The following XRCC4 variants were observed in gnomAD, a reference collection of about 807,000 sequenced individuals.
The protein encoded by XRCC4 is X-ray repair cross complementing 4, also known as DNA repair protein XRCC4.
Under a neutral mutation model 39.1 loss-of-function variants are expected in XRCC4, and 28 were observed. The observed-to-expected ratio is 0.72, with a 90% CI of 0.53 to 0.98. XRCC4 has a LOEUF of 0.98. Ranked by LOEUF, XRCC4 falls within the 50% of genes least tolerant of loss-of-function variation. XRCC4 has a pLI of 0.00. For missense variants in XRCC4, 350 were observed against 376.4 expected, an observed-to-expected ratio of 0.93 and a Z score of 0.58; for synonymous variants, 123 against 126.4, an observed-to-expected ratio of 0.97 and a Z score of 0.18.
intron 1 of XRCC4, 153 bp downstream of exon 1, chr5:83,077,768 A>C (rs765407969): frequency 1.0e-4 from 17 of 166,036 alleles, no homozygotes; most frequent in Non-Finnish European, 2.0e-4. Flanking sequence ...AGCTCCCGCG[A>C]CTTCCTCTTG....
At chr5:83,286,650 T>C (rs951207280) in intron 7 of XRCC4, among the ~76,000 whole-genome samples, 5 of 152,110 alleles carry the variant, frequency 3.3e-5, no homozygotes, top group African/African-American at 1.2e-4. Context: ...GAAAGTCAAC[T>C]GATTGAATAT....
chr5:83,104,934 A>T lies in XRCC4; in HGVS notation c.15A>T (p.Ile5=). Residue 5 remains isoleucine (I), a synonymous_variant, in exon 2 of 8, where the codon ATA becomes ATT. Coordinates refer to ENST00000396027, the MANE Select transcript of XRCC4 (RefSeq NM_003401.5). ...GGTATTAAGAAATGGAGAGAAAAAT[A>T]AGCAGAATCCACCTTGTTTCTGAAC... The part of the protein sequence containing the change: MERK[I]SRIHLVSEPS... 1 of 1,613,216 alleles carries T rather than the reference A, an allele frequency of 6.2e-7. No individual in the cohort carries two copies. Among genetic ancestry groups the T allele is most frequent in the Non-Finnish European group, 8.5e-7 (1 of 1,179,432 alleles).
At chr5:83,236,251 T>C (rs2112831897) in intron 6 of XRCC4, among the ~76,000 whole-genome samples, 1 of 152,180 alleles carries the variant, frequency 6.6e-6, no homozygotes, top group East Asian at 1.9e-4. Context: ...AAGACTATCA[T>C]AGCCAAAGGA....
rs1363891064 is a variant in XRCC4 at position 83,093,585 on chromosome 5, A to G, written c.-10-11325A>G. ...CACAAAGCACATCTTAGGAAGTTGAAGAAGACTGAAATCATATCACATATC... is the reference window on the plus strand; with the variant it reads ...CACAAAGCACATCTTAGGAAGTTGAGGAAGACTGAAATCATATCACATATC... On this transcript the variant is annotated intron_variant, in intron 1 of 7. Transcript: ENST00000396027. Among the ~76,000 whole-genome samples the G allele has an allele frequency of 3.3e-5, 5 of 152,210 alleles. No individual in the cohort carries two copies. In the East Asian group the frequency reaches 9.6e-4, roughly 29 times the overall value.
intron 6 of XRCC4, among the ~76,000 whole-genome samples, chr5:83,228,678 A>T (rs1752380434): frequency 6.6e-6 from 1 of 152,076 alleles, no homozygotes; most frequent in African/African-American, 2.4e-5. Context: ...TACATGCAAC[A>T]TGTAAACCTT....
At chr5:83,297,480 A>G (rs1282206726) in intron 7 of XRCC4, among the ~76,000 whole-genome samples, 1 of 151,948 alleles carries the variant, frequency 6.6e-6, no homozygotes, top group Non-Finnish European at 1.5e-5. Context: ...GCTTAGGAAC[A>G]TTTTCTCTTG....
chr5:83,214,953 TC>T (rs1294025975), intron 6 of XRCC4, among the ~76,000 whole-genome samples: 1 of 151,836 alleles, frequency 6.6e-6, no homozygotes, highest in East Asian at 1.9e-4. Flanking sequence ...AATTCAAGAC[TC>T]CTACACTGAG....
chr5:83,320,022 C>G (rs942962017), intron 7 of XRCC4, among the ~76,000 whole-genome samples: 1 of 150,864 alleles, frequency 6.6e-6, no homozygotes, highest in African/African-American at 2.4e-5. Flanking sequence ...GAATACTATG[C>G]AGCCATAAAT....
At chr5:83,173,918 GTCTT>G (rs1217222392) in intron 3 of XRCC4, among the ~76,000 whole-genome samples, 1 of 152,134 alleles carries the variant, frequency 6.6e-6, no homozygotes, top group Admixed American at 6.6e-5. Flanking sequence ...TTTATACTCA[GTCTT>G]TCTGTGATTT....
chr5:83,204,682 A>G, intron 5 of XRCC4, 133 bp from the exon 6 acceptor site: 2 of 566,230 alleles, frequency 3.5e-6, no homozygotes, highest in Non-Finnish European at 6.0e-6. Flanking sequence ...CATCTAAATC[A>G]TATATATTTT....
the XRCC4 span, among the ~76,000 whole-genome samples, chr5:83,371,158 C>G: frequency 5.3e-5 from 8 of 152,308 alleles, no homozygotes; most frequent in African/African-American, 1.9e-4. Flanking sequence ...TCCCTTCTCA[C>G]TAAGCTCCCT....
At chr5:83,143,712 GT>G (rs1305711416) in intron 3 of XRCC4, among the ~76,000 whole-genome samples, 6 of 151,662 alleles carry the variant, frequency 4.0e-5, no homozygotes, top group South Asian at 2.1e-4. Context: ...TAGATTGAAG[GT>G]TTTTTTCTTT....
chr5:83,165,256 T>C, intron 3 of XRCC4, among the ~76,000 whole-genome samples: 1 of 152,222 alleles, frequency 6.6e-6, no homozygotes, highest in East Asian at 1.9e-4. Flanking sequence ...TAAGAAGTTT[T>C]AAAAAAATTC....
At chr5:83,208,618 A>G (rs1210699448) in intron 6 of XRCC4, among the ~76,000 whole-genome samples, 1 of 151,994 alleles carries the variant, frequency 6.6e-6, no homozygotes, top group Non-Finnish European at 1.5e-5. Flanking sequence ...AACTAATGAT[A>G]ATGTAGATCA....
intron 3 of XRCC4, among the ~76,000 whole-genome samples, chr5:83,172,076 A>G (rs938643094): frequency 2.0e-5 from 3 of 152,200 alleles, no homozygotes; most frequent in African/African-American, 7.2e-5. Flanking sequence ...AGGACAATAC[A>G]TAGTAGTACT....
chr5:83,358,646 T>C (rs1757216116), downstream of XRCC4, among the ~76,000 whole-genome samples: 1 of 152,176 alleles, frequency 6.6e-6, no homozygotes, highest in Non-Finnish European at 1.5e-5. Context: ...GCTGTTCCAG[T>C]AAATGGAATA....
At chr5:83,087,099 C>A (rs993391699) in intron 1 of XRCC4, among the ~76,000 whole-genome samples, 2 of 151,048 alleles carry the variant, frequency 1.3e-5, no homozygotes, top group African/African-American at 4.9e-5. Context: ...GGTGGATCAC[C>A]AGAGGTCAGA....
chr5:83,320,379 TAA>T (rs1561473500), intron 7 of XRCC4, among the ~76,000 whole-genome samples: 11 of 135,306 alleles, frequency 8.1e-5, no homozygotes, highest in African/African-American at 3.0e-4. Flanking sequence ...AATAAAAAAA[TAA>T]TAAAAAAATA....
Position 83,111,189 on chromosome 5 carries a change from C to A in XRCC4, c.301C>A (p.Leu101Met). ...TTGTTATTTCTTCTTTGAGAAAAAC[C>A]TGAAAGATGTCTCAGTAAGTAAAAC... Reference protein sequence around the residue: ...ESCYFFFEKNLKDVSFRLGSF... With the variant: ...ESCYFFFEKNMKDVSFRLGSF... Residue 101 changes from leucine (L) to methionine (M), a missense_variant, in exon 3 of 8, where the codon CTG (leucine) becomes ATG (methionine). Coordinates refer to ENST00000396027, the MANE Select transcript of XRCC4 (RefSeq NM_003401.5). 2 of 1,584,382 alleles carry A rather than the reference C, an allele frequency of 1.3e-6. No individual in the cohort carries two copies. Among genetic ancestry groups the A allele is most frequent in the Non-Finnish European group, 1.7e-6 (2 of 1,170,130 alleles).
Sources: gnomAD v4.1 joint callset for allele counts (sites outside exome capture counted in the v4.1 genomes callset) on GRCh38, gnomAD v4.1.1 for gene constraint, MANE v1.5 for transcripts, NCBI Gene and HGNC (gene_info 2026-07-23, HGNC 2026-07-21) for gene names.